ZNF407: variants seen among roughly 807,000 people sequenced by gnomAD.
ZNF407 encodes zinc finger protein 407.
In ZNF407, 17 loss-of-function variants were observed where a neutral mutation model predicts 131.2. The observed-to-expected ratio is 0.13, with a 90% confidence interval of 0.09 to 0.19. The LOEUF (loss-of-function observed/expected upper bound fraction) is 0.19, where lower values mean the gene tolerates loss of function less well. Among genes scored for constraint, ZNF407 ranks in the 10% least tolerant of loss-of-function variants. ZNF407 has a pLI of 1.00. For synonymous variants in ZNF407, 1,156 were observed against 1,062.0 expected, an observed-to-expected ratio of 1.09 and a Z score of -1.72; for missense variants, 2,681 against 2,830.6, an observed-to-expected ratio of 0.95 and a Z score of 1.20.
chr18:75,065,626 GTTCTGT>G lies in ZNF407; in HGVS notation c.*1167_*1172del, dbSNP rs1973703899. 6.6e-6 allele frequency: 1 copy of G among 152,198 alleles called. No homozygotes were observed. The highest frequency in any genetic ancestry group is 2.4e-5 in the African/African-American group (1 of 41,458). The allele number at this position is 152,198 out of a possible 1,614,324, so 9.4% of individuals were successfully genotyped here. A position where few individuals can be genotyped will look rare whatever the true frequency, so the allele number is the denominator to read the frequency against. On this transcript the variant is annotated 3_prime_UTR_variant, in exon 9 of 9. Transcript: ENST00000299687. ...TCCCTCAAATGCAAAGGTTGTTTTT[GTTCTGT>G]TTCTGTTTTCTTTGAAATAAAATTA...
chr18:74,970,861 G>A (rs1257331627), intron 8 of ZNF407, among the ~76,000 whole-genome samples: 2 of 152,226 alleles, frequency 1.3e-5, no homozygotes, highest in Admixed American at 6.5e-5. Context: ...TTCTTTGCAC[G>A]CTGCCCTAGC....
intron 4 of ZNF407, among the ~76,000 whole-genome samples, chr18:74,865,761 G>T (rs181581401): frequency 1.5e-3 from 229 of 152,226 alleles, no homozygotes; most frequent in Admixed American, 2.5e-3. Context: ...ATTCATAATT[G>T]CACACATCCA....
chr18:74,737,174 T>C (rs1968436572), intron 3 of ZNF407, among the ~76,000 whole-genome samples: 1 of 152,240 alleles, frequency 6.6e-6, no homozygotes, highest in Non-Finnish European at 1.5e-5. Flanking sequence ...AATTTATTTA[T>C]TCAAGAATGT....
intron 3 of ZNF407, among the ~76,000 whole-genome samples, chr18:74,750,515 T>C (rs1244736791): frequency 6.6e-6 from 1 of 152,226 alleles, no homozygotes; most frequent in Non-Finnish European, 1.5e-5. Context: ...CATGTTTTCA[T>C]GATTCATTCA....
chr18:75,027,115 G>C (rs1973180698), intron 8 of ZNF407, among the ~76,000 whole-genome samples: 1 of 152,242 alleles, frequency 6.6e-6, no homozygotes, highest in Non-Finnish European at 1.5e-5. Flanking sequence ...TGGAAGTGCT[G>C]TCTGAGGAAG....
At chr18:74,724,030 A>G (rs567730746) in intron 3 of ZNF407, among the ~76,000 whole-genome samples, 6 of 152,250 alleles carry the variant, frequency 3.9e-5, no homozygotes, top group African/African-American at 1.2e-4. Flanking sequence ...AGTTCTCACT[A>G]TTATTCCCAA....
intron 4 of ZNF407, among the ~76,000 whole-genome samples, chr18:74,809,193 T>C (rs1360770144): frequency 6.6e-6 from 1 of 152,214 alleles, no homozygotes; most frequent in Non-Finnish European, 1.5e-5. Context: ...GAAATTCTGC[T>C]CTCTTTAATA....
chr18:74,976,858 T>A (rs1285773330), intron 8 of ZNF407, among the ~76,000 whole-genome samples: 1 of 152,130 alleles, frequency 6.6e-6, no homozygotes, highest in Non-Finnish European at 1.5e-5. Flanking sequence ...TTATTTAAAA[T>A]TGGTGGATTA....
intron 4 of ZNF407, among the ~76,000 whole-genome samples, chr18:74,805,091 A>T (rs2145078067): frequency 6.6e-6 from 1 of 152,210 alleles, no homozygotes; most frequent in Middle Eastern, 3.4e-3. Flanking sequence ...TTTTCCCCCC[A>T]TGTTGAAGTT....
intron 4 of ZNF407, among the ~76,000 whole-genome samples, chr18:74,869,351 A>G (rs1971055715): frequency 6.6e-6 from 1 of 152,142 alleles, no homozygotes; most frequent in Admixed American, 6.5e-5. Flanking sequence ...CTTGACTTCT[A>G]TGGTTAGTTA....
intron 8 of ZNF407, among the ~76,000 whole-genome samples, chr18:74,930,407 G>A (rs1230100719): frequency 6.6e-6 from 1 of 152,094 alleles, no homozygotes. Context: ...TTTTTAATCA[G>A]TACACATCTT....
At chr18:74,815,905 A>G (rs1970261277) in intron 4 of ZNF407, among the ~76,000 whole-genome samples, 2 of 152,198 alleles carry the variant, frequency 1.3e-5, no homozygotes, top group South Asian at 4.2e-4. Context: ...CACAAACAAA[A>G]CAAAGCAATA....
chr18:75,023,197 A>G (rs1195218881), intron 8 of ZNF407, among the ~76,000 whole-genome samples: 1 of 152,170 alleles, frequency 6.6e-6, no homozygotes, highest in African/African-American at 2.4e-5. Context: ...CAGGGAGAGC[A>G]TCAGGATAAA....
intron 8 of ZNF407, chr18:74,921,066 C>A: frequency 1.1e-6 from 1 of 936,894 alleles, no homozygotes; most frequent in East Asian, 1.1e-4. Flanking sequence ...AAATGTTATG[C>A]CCTGTTTATT....
chr18:74,869,512 G>A (rs1335224399), intron 4 of ZNF407, among the ~76,000 whole-genome samples: 4 of 152,182 alleles, frequency 2.6e-5, no homozygotes, highest in African/African-American at 9.7e-5. Flanking sequence ...TTTTAAAGCT[G>A]TGCAAGAAAC....
chr18:74,904,744 A>G (rs2628118), intron 7 of ZNF407, among the ~76,000 whole-genome samples: 145,085 of 152,256 alleles, frequency 0.95, 69,472 homozygotes, highest in Non-Finnish European at 1. Context: ...GGAAACATGA[A>G]AGGTGAACAA....
intron 4 of ZNF407, among the ~76,000 whole-genome samples, chr18:74,847,732 A>G (rs1465931703): frequency 6.6e-6 from 1 of 152,034 alleles, no homozygotes; most frequent in Non-Finnish European, 1.5e-5. Flanking sequence ...GTGTGTGACC[A>G]TGTTTGTTTC....
chr18:74,757,863 T>C (rs546659832), intron 3 of ZNF407, among the ~76,000 whole-genome samples: 1 of 152,294 alleles, frequency 6.6e-6, no homozygotes, highest in African/African-American at 2.4e-5. Flanking sequence ...TACCAACTTT[T>C]TGTTATAAAT....
intron 6 of ZNF407, among the ~76,000 whole-genome samples, chr18:74,888,549 A>G (rs1308222504): frequency 6.6e-6 from 1 of 152,212 alleles, no homozygotes; most frequent in Non-Finnish European, 1.5e-5. Flanking sequence ...TATATGATCT[A>G]TATTTAGATT....
Sources: allele counts gnomAD v4.1 joint callset (sites outside exome capture counted in the v4.1 genomes callset), GRCh38; gene constraint gnomAD v4.1.1; transcripts MANE v1.5; gene names NCBI Gene and HGNC (gene_info 2026-07-23, HGNC 2026-07-21).